Variants in KIF6 observed in about 807,000 individuals in gnomAD.
KIF6 encodes kinesin family member 6, also known as kinesin-like protein KIF6.
Under a neutral mutation model 112.7 loss-of-function variants are expected in KIF6, and 106 were observed. The ratio of observed to expected loss-of-function variants is 0.94; its 90% CI spans 0.80 to 1.11. KIF6 has a LOEUF of 1.11. KIF6 is among the 50% of genes least tolerant of loss of function. The probability of loss-of-function intolerance (pLI) is 0.00; values close to 1 mark genes in which losing one functional copy is unlikely to be tolerated. For synonymous variants in KIF6, 339 were observed against 339.9 expected (o/e 1.00, Z 0.03); for missense variants, 929 against 964.0 (o/e 0.96, Z 0.48).
intron 3 of KIF6, among the ~76,000 whole-genome samples, chr6:39,688,076 C>T (rs1040243183): frequency 2.0e-5 from 3 of 152,318 alleles, no homozygotes; most frequent in Admixed American, 6.5e-5. Flanking sequence ...GAAAGTTCTA[C>T]AGAATAGGTG....
chr6:39,653,611 A>C (rs1785598775), intron 3 of KIF6, among the ~76,000 whole-genome samples: 1 of 152,196 alleles, frequency 6.6e-6, no homozygotes, highest in Non-Finnish European at 1.5e-5. Context: ...AGGACCAAAA[A>C]GGGATTGCAA....
At chr6:39,487,391 G>C (rs116498404) in intron 13 of KIF6, among the ~76,000 whole-genome samples, 1 of 152,258 alleles carries the variant, frequency 6.6e-6, no homozygotes, top group South Asian at 2.1e-4. Flanking sequence ...TCCCTCCCCA[G>C]GGGCATCCAG....
chr6:39,588,910 C>A (rs1230279320), intron 7 of KIF6, among the ~76,000 whole-genome samples: 1 of 152,214 alleles, frequency 6.6e-6, no homozygotes. Context: ...ATTAGTCTCC[C>A]TGCTTCTACT....
In KIF6 at chr6:39,518,236, G is replaced by C. The variant is rs531576078; in HGVS notation, c.1645+21767C>G. ...AAAGCATGGTAAGATGAAAGAGCTAGTATGTGCACATGTGTGCCTTGTGTG... is the reference window on the plus strand; with the variant it reads ...AAAGCATGGTAAGATGAAAGAGCTACTATGTGCACATGTGTGCCTTGTGTG... On this transcript the variant is annotated intron_variant, in intron 13 of 22. Transcript: ENST00000287152. Among the ~76,000 whole-genome samples, 22 of 152,252 alleles carry C rather than the reference G, an allele frequency of 1.4e-4. 1 individual carries two copies. In the South Asian group the frequency reaches 4.6e-3, roughly 32 times the overall value.
chr6:39,592,164 C>T (rs1781990728), intron 7 of KIF6, among the ~76,000 whole-genome samples: 1 of 152,128 alleles, frequency 6.6e-6, no homozygotes, highest in Non-Finnish European at 1.5e-5. Flanking sequence ...TGTTTCCTTC[C>T]ATCTTAGATT....
chr6:39,715,746 T>C (rs1009304683), intron 2 of KIF6, among the ~76,000 whole-genome samples: 3 of 152,142 alleles, frequency 2.0e-5, no homozygotes, highest in African/African-American at 4.8e-5. Context: ...AACAATGAAC[T>C]ATACAAAGAG....
intron 4 of KIF6, among the ~76,000 whole-genome samples, 181 bp downstream of exon 4, chr6:39,639,429 T>C (rs972298928): frequency 6.6e-6 from 1 of 152,130 alleles, no homozygotes; most frequent in Non-Finnish European, 1.5e-5. Flanking sequence ...AAGTACCTTC[T>C]TAATTTTCAC....
intron 3 of KIF6, among the ~76,000 whole-genome samples, chr6:39,645,963 C>T (rs1402522942): frequency 6.6e-6 from 1 of 151,542 alleles, no homozygotes; most frequent in Admixed American, 6.6e-5. Flanking sequence ...CACACCGGGG[C>T]CTGTTGTTGG....
intron 10 of KIF6, among the ~76,000 whole-genome samples, chr6:39,575,275 C>CT (rs142101964): frequency 0.21 from 30,659 of 143,444 alleles, 3,501 homozygotes; most frequent in African/African-American, 0.3. Context: ...TCTTATTTTT[C>CT]TTTTTTTTTT....
chr6:39,483,646 C>T (rs928774436), intron 13 of KIF6, among the ~76,000 whole-genome samples: 7 of 152,136 alleles, frequency 4.6e-5, no homozygotes, highest in Non-Finnish European at 8.8e-5. Context: ...AAGTTTGACC[C>T]TAACAGTAAA....
intron 10 of KIF6, 66 bp downstream of exon 10, chr6:39,577,990 G>T: frequency 9.3e-7 from 1 of 1,079,196 alleles, no homozygotes; most frequent in Non-Finnish European, 1.4e-6. Context: ...TAACATTAGG[G>T]CCAACAAAGA....
chr6:39,435,859 T>C (rs1420197249), intron 13 of KIF6, among the ~76,000 whole-genome samples: 1 of 152,204 alleles, frequency 6.6e-6, no homozygotes, highest in Non-Finnish European at 1.5e-5. Context: ...AATGACTTGT[T>C]TTCCTTTGGG....
intron 3 of KIF6, among the ~76,000 whole-genome samples, chr6:39,709,084 A>G (rs1393730287): frequency 6.6e-6 from 1 of 152,226 alleles, no homozygotes; most frequent in Non-Finnish European, 1.5e-5. Context: ...ACCTGAGATT[A>G]GAAGAGGCAT....
intron 13 of KIF6, among the ~76,000 whole-genome samples, chr6:39,521,801 C>A (rs1263942386): frequency 7.9e-5 from 12 of 152,132 alleles, no homozygotes; most frequent in Non-Finnish European, 1.3e-4. Flanking sequence ...CATTAAAAAC[C>A]CAATAAGAGA....
rs771873096 is a variant in KIF6 at position 39,544,600 on chromosome 6, ATTC to A, written c.1378_1380del (p.Glu460del). 93 of 1,611,948 alleles carry A rather than the reference ATTC, an allele frequency of 5.8e-5. No homozygotes were observed. The highest frequency in any genetic ancestry group is 7.4e-5 in the Non-Finnish European group (87 of 1,178,470). On this transcript the variant is annotated inframe_deletion, in exon 12 of 23. Transcript: ENST00000287152. ...TTCAGAATATCTCGTAGCTTTCTAT[ATTC>A]TTCTTCTTTTAATGGTTCTTGACAA...
intron 22 of KIF6, among the ~76,000 whole-genome samples, chr6:39,337,084 C>A (rs923058694): frequency 3.5e-5 from 4 of 113,960 alleles, no homozygotes; most frequent in African/African-American, 1.3e-4. Context: ...CCTTTCTTTC[C>A]TTCTTTCCTT....
intron 3 of KIF6, among the ~76,000 whole-genome samples, chr6:39,697,129 A>C (rs997510439): frequency 6.6e-6 from 1 of 152,096 alleles, no homozygotes; most frequent in Admixed American, 6.5e-5. Context: ...TTGTTTTCTT[A>C]TCTCTCTTCT....
chr6:39,380,073 T>C (rs1766788900), intron 16 of KIF6, among the ~76,000 whole-genome samples: 1 of 152,162 alleles, frequency 6.6e-6, no homozygotes, highest in South Asian at 2.1e-4. Flanking sequence ...TACTAAATCA[T>C]TTGGGGTCGA....
intron 6 of KIF6, among the ~76,000 whole-genome samples, chr6:39,602,263 G>A (rs1417067664): frequency 6.6e-6 from 1 of 151,920 alleles, no homozygotes; most frequent in Non-Finnish European, 1.5e-5. Context: ...TTTCTTTTAT[G>A]GGGTGAAAAT....
Sources: gnomAD v4.1 joint callset for allele counts (sites outside exome capture counted in the v4.1 genomes callset) on GRCh38, gnomAD v4.1.1 for gene constraint, MANE v1.5 for transcripts, NCBI Gene and HGNC (gene_info 2026-07-23, HGNC 2026-07-21) for gene names.